HSPG2: variants seen among roughly 807,000 people sequenced by gnomAD.
The protein encoded by HSPG2 is basement membrane-specific heparan sulfate proteoglycan core protein.
In HSPG2, 278 loss-of-function variants were observed where a neutral mutation model predicts 526.6. The ratio of observed to expected loss-of-function variants is 0.53; its 90% CI spans 0.48 to 0.58. The LOEUF (loss-of-function observed/expected upper bound fraction) is 0.58. Among genes scored for constraint, HSPG2 ranks in the 20% least tolerant of loss-of-function variants. The probability of loss-of-function intolerance (pLI) is 0.00; values close to 1 mark genes in which losing one functional copy is unlikely to be tolerated. For synonymous variants in HSPG2, 2,465 were observed against 2,555.4 expected, an observed-to-expected ratio of 0.96 and a Z score of 1.07; for missense variants, 5,354 against 6,099.5, an observed-to-expected ratio of 0.88 and a Z score of 4.07.
chr1:21,930,914 G>A (rs761152628), intron 1 of HSPG2, among the ~76,000 whole-genome samples: 1 of 152,128 alleles, frequency 6.6e-6, no homozygotes, highest in Non-Finnish European at 1.5e-5. Context: ...AAGGCTTTGC[G>A]CACCAGATAC....
Position 21,838,995 on chromosome 1 carries a change from G to A in HSPG2, c.9980C>T (p.Pro3327Leu), listed in dbSNP as rs1486823445. Residue 3327 changes from proline to leucine, a missense_variant, in exon 74 of 97, where the codon CCA becomes CTA. Coordinates refer to ENST00000374695, the MANE Select transcript of HSPG2 (RefSeq NM_005529.7). Reference sequence around the variant, plus strand: ...CACGCGGCTCCACTGGAAGGTGAGTGGGGGTGTCCCGTGAGCCAGGCACTG... The same window carrying A: ...CACGCGGCTCCACTGGAAGGTGAGTAGGGGTGTCCCGTGAGCCAGGCACTG... ...QLQCLAHGTPPLTFQWSRVGS... is the reference protein window; with the variant it reads ...QLQCLAHGTPLLTFQWSRVGS... The A allele has an allele frequency of 1.2e-6, 2 of 1,610,606 alleles. No homozygotes were observed. Among genetic ancestry groups the A allele is most frequent in the Non-Finnish European group, 1.7e-6 (2 of 1,177,466 alleles).
chr1:21,828,548 CA>C lies in HSPG2; in HGVS notation c.12238-123del, dbSNP rs2097987147. 2 of 1,073,388 alleles carry C rather than the reference CA, an allele frequency of 1.9e-6. No homozygotes were observed. Among genetic ancestry groups the C allele is most frequent in the Non-Finnish European group, 2.7e-6 (2 of 731,914 alleles). 66.5% of individuals were successfully genotyped at this position (1,073,388 alleles called of 1,614,324 possible). ...GCCCACATTGGGCCCTGAGTGGTAGCATGGATTCTCGGTGTGGGGAGGGAGG... is the reference window on the plus strand; with the variant it reads ...GCCCACATTGGGCCCTGAGTGGTAGCTGGATTCTCGGTGTGGGGAGGGAGG... On this transcript the variant is annotated intron_variant, in intron 88 of 96. Transcript: ENST00000374695. The surrounding 1 kb of genome is among the most constrained non-coding windows in gnomAD (Gnocchi z 6.0).
intron 1 of HSPG2, among the ~76,000 whole-genome samples, chr1:21,923,793 G>GT (rs34822206): frequency 0.24 from 36,785 of 152,082 alleles, 4,832 homozygotes; most frequent in East Asian, 0.43. Context: ...TAAGCCCACG[G>GT]TGGTGTTTAG....
chr1:21,923,028 G>A (rs1644086445), intron 1 of HSPG2, among the ~76,000 whole-genome samples: 4 of 108,566 alleles, frequency 3.7e-5, no homozygotes, highest in Admixed American at 3.6e-4. Context: ...GGCACCCCAA[G>A]ACTGCGCCCT....
At chr1:21,874,854 G>T (rs773045660) in intron 26 of HSPG2, 37 bp downstream of exon 26, 2 of 1,565,344 alleles carry the variant, frequency 1.3e-6, no homozygotes, top group African/African-American at 1.3e-5. Flanking sequence ...GCACCATGGA[G>T]GGGGCTGGCT....
chr1:21,856,911 CA>C (rs1359166589), intron 44 of HSPG2, 103 bp downstream of exon 44: 4 of 1,218,450 alleles, frequency 3.3e-6, no homozygotes, highest in African/African-American at 1.5e-5. Flanking sequence ...AGGCATGCAG[CA>C]GGTGCTCAGA....
At chr1:21,851,337 G>T in intron 55 of HSPG2, 1 of 653,926 alleles carries the variant, frequency 1.5e-6, no homozygotes, top group Non-Finnish European at 2.6e-6. Context: ...TAAGTAACTT[G>T]TCCGAGGTCA....
In HSPG2 at chr1:21,828,535, C is replaced by G; in HGVS notation, c.12238-109G>C. 8.4e-7 allele frequency: 1 copy of G among 1,194,404 alleles called. No individual in the cohort carries two copies. Among genetic ancestry groups the G allele is most frequent in the Non-Finnish European group, 1.2e-6 (1 of 831,238 alleles). 74.0% of individuals were successfully genotyped at this position (1,194,404 alleles called of 1,614,324 possible). The stretch of plus-strand genomic sequence containing the variant: ...AGGGGAGCTGGGAGCCCACATTGGG[C>G]CCTGAGTGGTAGCATGGATTCTCGG... On this transcript the variant is annotated intron_variant, in intron 88 of 96. Coordinates refer to ENST00000374695, the MANE Select transcript of HSPG2 (RefSeq NM_005529.7). The surrounding 1 kb of genome is among the most constrained non-coding windows in gnomAD (Gnocchi z 6.0).
rs1217152147 is a variant in HSPG2, at chr1:21,872,201, T to A, written c.4206A>T (p.Thr1402=). ...TGGGGCCCACCTTGTCTCCCTGGTA[T>A]GTCTCCGGCAGCTGCCAGTAGAAGG... ...HESFYWQLPE[T]YQGDKVAAYG... is the part of the protein sequence containing the mutation. Residue 1402 remains threonine (T), a synonymous_variant, in exon 33 of 97, where the codon ACA becomes ACT. Coordinates refer to ENST00000374695, the MANE Select transcript of HSPG2 (RefSeq NM_005529.7). The surrounding 1 kb of genome is among the most constrained non-coding windows in gnomAD (Gnocchi z 5.5). 1 of 1,551,814 alleles carries A rather than the reference T, an allele frequency of 6.4e-7. No individual in the cohort carries two copies. Among genetic ancestry groups the A allele is most frequent in the Admixed American group, 2.0e-5 (1 of 51,026 alleles).
chr1:21,921,235 G>A (rs558250342), intron 1 of HSPG2, among the ~76,000 whole-genome samples: 14 of 152,262 alleles, frequency 9.2e-5, no homozygotes, highest in African/African-American at 3.1e-4. Context: ...GTTGGGGGTT[G>A]GAAGCCAAGC....
At position 21,832,850 on chromosome 1, in the gene HSPG2, G is replaced by C. The variant is rs1182580525; in HGVS notation, c.11096-244C>G. ...TCACACACACTGGAGTCTCCCTCAA[G>C]GGGGAGAGGGAGGCAGAGACTCACC... On this transcript the variant is annotated intron_variant, in intron 80 of 96. Transcript: ENST00000374695. The C allele has an allele frequency of 2.0e-5, 12 of 588,618 alleles. No homozygotes were observed. In the East Asian group the frequency reaches 2.3e-4, roughly 11 times the overall value. 36.5% of individuals were successfully genotyped at this position (588,618 alleles called of 1,614,324 possible).
intron 1 of HSPG2, among the ~76,000 whole-genome samples, chr1:21,916,314 A>G (rs1643888093): frequency 6.6e-6 from 1 of 152,068 alleles, no homozygotes; most frequent in Admixed American, 6.6e-5. Context: ...ATCCTGGCTA[A>G]CACGGTGAAA....
In HSPG2 at chr1:21,827,870, C is replaced by T. The variant is rs764775054; in HGVS notation, c.12582G>A (p.Gly4194=). The change falls in exon 91 of 97, where the codon GGG becomes GGA. Residue 4194 remains glycine (G), a synonymous_variant. Coordinates refer to ENST00000374695, the MANE Select transcript of HSPG2 (RefSeq NM_005529.7). ...GCCATGGCAAGTACTCACCATTGCC[C>T]CCGCTGCCTTCAAGATGCCAGTCGG... ...AESDWHLEGS[G]GNDAPGQYGA... The T allele has an allele frequency of 5.7e-6, 9 of 1,584,348 alleles. No homozygotes were observed. In the East Asian group the frequency reaches 1.8e-4, roughly 32 times the overall value.
rs1174136341 is a variant in HSPG2 at position 21,893,652 on chromosome 1, G to A, written c.244+2270C>T. ...CCAGCCACGGGCGGGCGGCCCAGGG[G>A]CTGCCCTGAGCCTGCAGAGTAGAGA... On this transcript the variant is annotated intron_variant, in intron 3 of 96. Transcript: ENST00000374695. This position sits in a 1 kb window ranked among gnomAD's most constrained non-coding sequence, Gnocchi z 4.3. Among the ~76,000 whole-genome samples the A allele has an allele frequency of 2.6e-5, 4 of 152,038 alleles. No homozygotes were observed. The highest frequency in any genetic ancestry group is 5.9e-5 in the Non-Finnish European group (4 of 67,974).
rs758260494 is a variant in HSPG2, at chr1:21,854,220, T to A, written c.6412A>T (p.Thr2138Ser). 1.3e-6 allele frequency: 2 copies of A among 1,593,892 alleles called. No homozygotes were observed. The highest frequency in any genetic ancestry group is 1.7e-6 in the Non-Finnish European group (2 of 1,169,950). ...GGGGTGTAGCTGGGGCCAGAATGGG[T>A]GCCGTGGAGCACAGACACAGTAATG... ...ASITVSVLHG[T>S]HSGPSYTPVP... Residue 2138 changes from threonine (T) to serine (S), a missense_variant, in exon 50 of 97, where the codon ACC becomes TCC. Transcript: ENST00000374695.
In HSPG2 at chr1:21,822,625, G is replaced by A. The variant is rs2097954856; in HGVS notation, c.*691C>T. The A allele has an allele frequency of 4.8e-6, 1 of 207,546 alleles. No individual in the cohort carries two copies. Among genetic ancestry groups the A allele is most frequent in the African/African-American group, 2.3e-5 (1 of 43,726 alleles). 12.9% of individuals were successfully genotyped at this position (207,546 alleles called of 1,614,324 possible). On this transcript the variant is annotated 3_prime_UTR_variant, in exon 97 of 97. Transcript: ENST00000374695. ...CTCTGCCTGTAGCAGCTCCTGGTAA[G>A]AGTTGGGGTGGGCCTTCCCTTACAG...
At chr1:21,902,832 C>T (rs1643173626) in intron 1 of HSPG2, among the ~76,000 whole-genome samples, 1 of 152,190 alleles carries the variant, frequency 6.6e-6, no homozygotes, top group Non-Finnish European at 1.5e-5. Context: ...CACCACGTTG[C>T]CTTGGACAAG....
intron 77 of HSPG2, among the ~76,000 whole-genome samples, chr1:21,834,302 TG>T (rs1222707056): frequency 6.6e-6 from 1 of 152,246 alleles, no homozygotes; most frequent in African/African-American, 2.4e-5. Context: ...TGTTTGTGTC[TG>T]CCCTGCATCT....
In HSPG2 at chr1:21,854,447, G is replaced by C. The variant is rs574808698; in HGVS notation, c.6289-104C>G. On this transcript the variant is annotated intron_variant, in intron 49 of 96. Coordinates refer to ENST00000374695, the MANE Select transcript of HSPG2 (RefSeq NM_005529.7). ...TTCAAACTCTCACTGGCTCTGCTCC[G>C]AGCCATCCCATGCTAGAAACTGGGA... 4 of 1,486,290 alleles carry C rather than the reference G, an allele frequency of 2.7e-6. No homozygotes were observed. In the African/African-American group the frequency reaches 5.6e-5, roughly 21 times the overall value. The allele number at this position is 1,486,290 out of a possible 1,614,324, so 92.1% of individuals were successfully genotyped here.
Sources: gnomAD v4.1 joint callset for allele counts (sites outside exome capture counted in the v4.1 genomes callset) on GRCh38, gnomAD v4.1.1 for gene constraint, Gnocchi (gnomAD v3.1) non-coding constraint, MANE v1.5 for transcripts, NCBI Gene and HGNC (gene_info 2026-07-23, HGNC 2026-07-21) for gene names.